The following STK3 variants were observed in gnomAD, a reference collection of about 807,000 sequenced individuals.
The protein encoded by STK3 is serine/threonine-protein kinase 3.
In STK3, 41 loss-of-function variants were observed where a neutral mutation model predicts 58.0. The observed-to-expected ratio is 0.71, with a 90% CI of 0.55 to 0.92. The LOEUF is 0.92. STK3 is among the 40% of genes least tolerant of loss of function. The pLI is 0.00. For missense variants in STK3, 479 were observed against 602.7 expected (o/e 0.79, Z 2.15); for synonymous variants, 170 against 191.0 (o/e 0.89, Z 0.91).
At chr8:98,493,312 G>C (rs1822865122) in intron 10 of STK3, among the ~76,000 whole-genome samples, 1 of 150,982 alleles carries the variant, frequency 6.6e-6, no homozygotes, top group Non-Finnish European at 1.5e-5. Context: ...TTAATCTTAT[G>C]TTCTCCTTTA....
intron 4 of STK3, among the ~76,000 whole-genome samples, chr8:98,743,829 C>G (rs1243855937): frequency 6.6e-6 from 1 of 151,924 alleles, no homozygotes; most frequent in Non-Finnish European, 1.5e-5. Flanking sequence ...TTTTCGCAAC[C>G]TACTCATCTG....
intron 4 of STK3, among the ~76,000 whole-genome samples, chr8:98,711,582 GA>G (rs1826446118): frequency 1.3e-5 from 2 of 152,060 alleles, no homozygotes; most frequent in Admixed American, 6.6e-5. Context: ...GAAGTTTAGA[GA>G]AAAAAGAATA....
At chr8:98,657,159 A>G (rs1392303297) in intron 6 of STK3, among the ~76,000 whole-genome samples, 1 of 152,100 alleles carries the variant, frequency 6.6e-6, no homozygotes, top group East Asian at 1.9e-4. Context: ...TATACATAAC[A>G]GTCAAGACCG....
Position 98,455,702 on chromosome 8 carries a change from C to T in STK3, c.*140G>A, listed in dbSNP as rs1241196184. The stretch of plus-strand genomic sequence containing the variant: ...TCAATTCTGCCTTTTGGGAATTTAC[C>T]TGGGCATGTACCATTGTCACTTTTT... On this transcript the variant is annotated 3_prime_UTR_variant, in exon 11 of 11. Coordinates refer to ENST00000419617, the MANE Select transcript of STK3 (RefSeq NM_006281.4). 1 of 967,646 alleles carries T rather than the reference C, an allele frequency of 1.0e-6. No individual in the cohort carries two copies. The highest frequency in any genetic ancestry group is 1.7e-5 in the South Asian group (1 of 59,082). 59.9% of individuals were successfully genotyped at this position (967,646 alleles called of 1,614,324 possible).
At chr8:98,813,034 AT>A (rs1320738170) in intron 1 of STK3, among the ~76,000 whole-genome samples, 1 of 76,914 alleles carries the variant, frequency 1.3e-5, no homozygotes, top group Non-Finnish European at 2.6e-5. Context: ...TTAAAGCACA[AT>A]AAAAAAAAAA....
chr8:98,373,213 T>A (rs1351956637), intron 2 of STK3, among the ~76,000 whole-genome samples: 1 of 152,142 alleles, frequency 6.6e-6, no homozygotes, highest in East Asian at 1.9e-4. Context: ...GAGTTTCTGT[T>A]TTTGAGCCAT....
At chr8:98,727,057 T>C (rs1827844519) in intron 4 of STK3, among the ~76,000 whole-genome samples, 1 of 152,242 alleles carries the variant, frequency 6.6e-6, no homozygotes. Flanking sequence ...AAACATATTC[T>C]GATTTCCCTC....
intron 3 of STK3, among the ~76,000 whole-genome samples, chr8:98,404,956 TA>T (rs2131031560): frequency 6.6e-6 from 1 of 152,224 alleles, no homozygotes; most frequent in East Asian, 1.9e-4. Context: ...GTCAATCAAA[TA>T]AAACCCACAA....
In STK3 at chr8:98,810,749, T is replaced by C. The variant is rs562983822; in HGVS notation, c.26+14766A>G. ...GTCCCCTCCAAATCTCATGTTGAAA[T>C]GTGATTCCCAATGATGGAGGTGGGG... On this transcript the variant is annotated intron_variant, in intron 1 of 10. Transcript: ENST00000419617. Among the ~76,000 whole-genome samples, 8 of 152,310 alleles carry C rather than the reference T, an allele frequency of 5.3e-5. No homozygotes were observed. In the East Asian group the frequency reaches 1.5e-3, roughly 29 times the overall value.
chr8:98,858,317 TATATATAGAG>T (rs1404116464), intron 3 of STK3, among the ~76,000 whole-genome samples: 28 of 49,282 alleles, frequency 5.7e-4, no homozygotes, highest in African/African-American at 1.9e-3. Context: ...TATATATATA[TATATATAGAG>T]AGAGAGAGAG....
intron 1 of STK3, among the ~76,000 whole-genome samples, chr8:98,791,568 C>T (rs2442014): frequency 0.68 from 102,732 of 152,098 alleles, 35,144 homozygotes; most frequent in South Asian, 0.76. Flanking sequence ...TGATTTCAAA[C>T]TATACTCTAA....
chr8:98,492,349 G>A (rs986191801), intron 10 of STK3, among the ~76,000 whole-genome samples: 19 of 152,164 alleles, frequency 1.2e-4, no homozygotes, highest in Admixed American at 5.9e-4. Context: ...GATTTAAAGA[G>A]TTTTAAGAAA....
chr8:98,749,587 A>AACAGGATT (rs1829845119), intron 3 of STK3, among the ~76,000 whole-genome samples, 197 bp from the exon 4 acceptor site: 1 of 152,108 alleles, frequency 6.6e-6, no homozygotes, highest in South Asian at 2.1e-4. Flanking sequence ...GACGAAATTT[A>AACAGGATT]ACAGGATTAC....
rs965492016 is a variant in STK3, at chr8:98,712,374, G to A, written c.352-5063C>T. ...CAGAGTCAAGACCCATCAGTGTGCTGTATTCAGGAAACCCATCTCACGAGC... is the reference window on the plus strand; with the variant it reads ...CAGAGTCAAGACCCATCAGTGTGCTATATTCAGGAAACCCATCTCACGAGC... On this transcript the variant is annotated intron_variant, in intron 4 of 10. Transcript: ENST00000419617. 6.6e-5 allele frequency among the ~76,000 whole-genome samples: 10 copies of A among 152,178 alleles called. No individual in the cohort carries two copies. In the South Asian group the frequency reaches 1.2e-3, roughly 19 times the overall value.
chr8:98,623,587 C>T (rs1818491591), intron 6 of STK3, among the ~76,000 whole-genome samples: 1 of 152,184 alleles, frequency 6.6e-6, no homozygotes, highest in Non-Finnish European at 1.5e-5. Context: ...AGTTTGAGAA[C>T]AGCCTGGGCA....
intron 3 of STK3, among the ~76,000 whole-genome samples, chr8:98,410,109 A>G (rs1469314074): frequency 6.6e-6 from 1 of 152,238 alleles, no homozygotes; most frequent in Non-Finnish European, 1.5e-5. Context: ...ATAATGGAAT[A>G]TCTTGGTGGT....
chr8:98,766,712 A>T (rs1395432026), intron 3 of STK3, among the ~76,000 whole-genome samples: 1 of 152,200 alleles, frequency 6.6e-6, no homozygotes, highest in Non-Finnish European at 1.5e-5. Context: ...TACCACATCC[A>T]GCCTCATTTC....
At chr8:98,895,971 T>G (rs1387462948) in intron 1 of STK3, among the ~76,000 whole-genome samples, 1 of 152,144 alleles carries the variant, frequency 6.6e-6, no homozygotes, top group East Asian at 1.9e-4. Flanking sequence ...CTCGTAAAAT[T>G]TATAGCCTAG....
At chr8:98,907,482 C>T (rs1256547701) in intron 1 of STK3, among the ~76,000 whole-genome samples, 1 of 152,162 alleles carries the variant, frequency 6.6e-6, no homozygotes, top group African/African-American at 2.4e-5. Flanking sequence ...CACTGCACTC[C>T]AGCCTGGGCG....
Sources: gnomAD v4.1 joint callset for allele counts (sites outside exome capture counted in the v4.1 genomes callset) on GRCh38, gnomAD v4.1.1 for gene constraint, MANE v1.5 for transcripts, NCBI Gene and HGNC (gene_info 2026-07-23, HGNC 2026-07-21) for gene names.